STUM: variants seen among roughly 807,000 people sequenced by gnomAD.
STUM encodes stum, mechanosensory transduction mediator homolog.
In STUM, 8 loss-of-function variants were observed where a neutral mutation model predicts 15.3. The observed-to-expected ratio is 0.52, with a 90% confidence interval of 0.31 to 0.94. STUM has a LOEUF of 0.94. STUM is among the 40% of genes least tolerant of loss of function. STUM has a pLI of 0.05. For synonymous variants in STUM, 78 were observed against 88.7 expected, an observed-to-expected ratio of 0.88 and a Z score of 0.68; for missense variants, 142 against 204.9, an observed-to-expected ratio of 0.69 and a Z score of 1.87.
intron 1 of STUM, among the ~76,000 whole-genome samples, chr1:226,554,693 A>G (rs976269039): frequency 6.6e-6 from 1 of 152,192 alleles, no homozygotes; most frequent in Non-Finnish European, 1.5e-5. Flanking sequence ...TCTTTCTGGC[A>G]TCATCAATTT....
rs1668401776 is a variant in STUM at position 226,608,772 on chromosome 1, C to T, written c.*6732C>T. The T allele has an allele frequency of 6.6e-6, 1 of 152,154 alleles. No homozygotes were observed. The highest frequency in any genetic ancestry group is 1.5e-5 in the Non-Finnish European group (1 of 68,048). The allele number at this position is 152,154 out of a possible 1,614,324, so 9.4% of individuals were successfully genotyped here. ...ACGTCTAATGTCGGGGACGTAGGGA[C>T]GCTTCCAGACTTGCCCTGGCCGGAA... On this transcript the variant is annotated 3_prime_UTR_variant, in exon 4 of 4. Transcript: ENST00000366788. The surrounding 1 kb of genome is among the most constrained non-coding windows in gnomAD (Gnocchi z 4.0).
chr1:226,568,531 A>G (rs1314076768), intron 1 of STUM, among the ~76,000 whole-genome samples: 1 of 152,234 alleles, frequency 6.6e-6, no homozygotes, highest in Non-Finnish European at 1.5e-5. Flanking sequence ...CCTTCAACAC[A>G]CATTTAATTT....
chr1:226,551,843 G>T (rs1247448302), intron 1 of STUM, among the ~76,000 whole-genome samples: 2 of 152,180 alleles, frequency 1.3e-5, no homozygotes, highest in African/African-American at 4.8e-5. Flanking sequence ...GGGGGCGAAG[G>T]AAGGGGGCTC....
At chr1:226,582,142 C>A (rs1448110746) in intron 1 of STUM, among the ~76,000 whole-genome samples, 1 of 152,222 alleles carries the variant, frequency 6.6e-6, no homozygotes, top group Non-Finnish European at 1.5e-5. Context: ...GATACGGAGG[C>A]AGACGCTGCT....
Position 226,567,311 on chromosome 1 carries a change from C to T in STUM, c.202+18205C>T, listed in dbSNP as rs976026173. 5.3e-5 allele frequency among the ~76,000 whole-genome samples: 8 copies of T among 152,288 alleles called. No individual in the cohort carries two copies. The East Asian group carries it at 9.6e-4, about 18-fold the overall frequency. On this transcript the variant is annotated intron_variant, in intron 1 of 3. Coordinates refer to ENST00000366788, the MANE Select transcript of STUM (RefSeq NM_001003665.4). This position sits in a 1 kb window ranked among gnomAD's most constrained non-coding sequence, Gnocchi z 4.5. ...GCGGGCTCTTTTCTCAAACCAGATT[C>T]GTTCAAAAAGCCCATTTACCACACT...
chr1:226,560,249 C>G lies in STUM; in HGVS notation c.202+11143C>G, dbSNP rs1255280896. Among the ~76,000 whole-genome samples, 3 of 152,208 alleles carry G rather than the reference C, an allele frequency of 2.0e-5. No homozygotes were observed. In the South Asian group the frequency reaches 6.2e-4, roughly 31 times the overall value. On this transcript the variant is annotated intron_variant, in intron 1 of 3. Transcript: ENST00000366788. ...TCAGCCCTGGCTTCCAACCTCACTA[C>G]TTGACCACTGTTCTTCCAGAACCTT...
rs944828770 is a variant in STUM, at chr1:226,600,882, C to T, written c.391+208C>T. Among the ~76,000 whole-genome samples the T allele has an allele frequency of 3.3e-5, 5 of 152,176 alleles. No individual in the cohort carries two copies. Among genetic ancestry groups the T allele is most frequent in the Admixed American group, 1.3e-4 (2 of 15,278 alleles). On this transcript the variant is annotated intron_variant, in intron 3 of 3. Transcript: ENST00000366788. The surrounding 1 kb of genome is among the most constrained non-coding windows in gnomAD (Gnocchi z 5.2). ...TAAAATGAGGCCCTAATGCCCACACCAGCCTCAACTGCTATCAATTCATGG... is the reference window on the plus strand; with the variant it reads ...TAAAATGAGGCCCTAATGCCCACACTAGCCTCAACTGCTATCAATTCATGG...
At chr1:226,550,205 G>A (rs143968806) in intron 1 of STUM, among the ~76,000 whole-genome samples, 1 of 152,160 alleles carries the variant, frequency 6.6e-6, no homozygotes, top group Non-Finnish European at 1.5e-5. Flanking sequence ...CCTTTCTCAC[G>A]GTCTCCTCGC....
intron 1 of STUM, among the ~76,000 whole-genome samples, chr1:226,556,951 T>A (rs1032622905): frequency 6.6e-6 from 1 of 152,234 alleles, no homozygotes; most frequent in African/African-American, 2.4e-5. Context: ...AATGTATCCA[T>A]CATCTCAAAT....
rs565992381 is a variant in STUM, at chr1:226,593,817, C to G, written c.203-2985C>G. ...CACACTTTAGTGAGCCTTATCATTC[C>G]TATTCCTTGGAGGGCAGCGGGGAAG... On this transcript the variant is annotated intron_variant, in intron 1 of 3. Coordinates refer to ENST00000366788, the MANE Select transcript of STUM (RefSeq NM_001003665.4). Among the ~76,000 whole-genome samples, 7 of 152,312 alleles carry G rather than the reference C, an allele frequency of 4.6e-5. No homozygotes were observed. In the East Asian group the frequency reaches 1.4e-3, roughly 29 times the overall value.
At chr1:226,580,040 G>A (rs149291135) in intron 1 of STUM, among the ~76,000 whole-genome samples, 5 of 152,304 alleles carry the variant, frequency 3.3e-5, no homozygotes, top group Admixed American at 6.5e-5. Context: ...GTAAGGAGGC[G>A]GCAGTCCAGG....
At chr1:226,556,835 C>T (rs1469060837) in intron 1 of STUM, among the ~76,000 whole-genome samples, 2 of 152,166 alleles carry the variant, frequency 1.3e-5, no homozygotes, top group African/African-American at 2.4e-5. Context: ...ATCCCCTTTG[C>T]ACTTTTAAAT....
rs536945965 is a variant in STUM, at chr1:226,602,260, G to A, written c.*220G>A. On this transcript the variant is annotated 3_prime_UTR_variant, in exon 4 of 4. Coordinates refer to ENST00000366788, the MANE Select transcript of STUM (RefSeq NM_001003665.4). ...TCCTGCTCTGGAAAGCACTGTGGGC[G>A]CAGGCACCAGAGCATCAGAGAGTGG... 1.1e-4 allele frequency: 62 copies of A among 562,628 alleles called. No individual in the cohort carries two copies. The highest frequency in any genetic ancestry group is 7.2e-4 in the South Asian group (33 of 46,148). The allele number at this position is 562,628 out of a possible 1,614,324, so 34.9% of individuals were successfully genotyped here. A position where few individuals can be genotyped will look rare whatever the true frequency, so the allele number is the denominator to read the frequency against.
At chr1:226,591,763 C>T (rs1235670959) in intron 1 of STUM, among the ~76,000 whole-genome samples, 1 of 152,196 alleles carries the variant, frequency 6.6e-6, no homozygotes, top group East Asian at 1.9e-4. Flanking sequence ...GTCAGCTACT[C>T]TTGACCTGCA....
At position 226,565,189 on chromosome 1, in the gene STUM, A is replaced by C. The variant is rs537573894; in HGVS notation, c.202+16083A>C. The stretch of plus-strand genomic sequence containing the variant: ...TTCTACAGCCCCCTTCTACTACCCC[A>C]GCCCTCTCCGCCCAACAACAGCCTT... On this transcript the variant is annotated intron_variant, in intron 1 of 3. Coordinates refer to ENST00000366788, the MANE Select transcript of STUM (RefSeq NM_001003665.4). The surrounding 1 kb of genome is among the most constrained non-coding windows in gnomAD (Gnocchi z 4.4). Among the ~76,000 whole-genome samples the C allele has an allele frequency of 6.6e-6, 1 of 152,168 alleles. No individual in the cohort carries two copies. Among genetic ancestry groups the C allele is most frequent in the South Asian group, 2.1e-4 (1 of 4,804 alleles).
At position 226,560,009 on chromosome 1, in the gene STUM, G is replaced by A. The variant is rs184452795; in HGVS notation, c.202+10903G>A. 2.6e-5 allele frequency among the ~76,000 whole-genome samples: 4 copies of A among 152,202 alleles called. No homozygotes were observed. In the East Asian group the frequency reaches 7.8e-4, roughly 29 times the overall value. ...AAAAAATTAGCCAGGTATGATGGCG[G>A]GCGCCTGTAATCCCAGCTACTTGGG... On this transcript the variant is annotated intron_variant, in intron 1 of 3. Coordinates refer to ENST00000366788, the MANE Select transcript of STUM (RefSeq NM_001003665.4).
chr1:226,560,356 G>A (rs960053602), intron 1 of STUM, among the ~76,000 whole-genome samples: 1 of 152,172 alleles, frequency 6.6e-6, no homozygotes, highest in Non-Finnish European at 1.5e-5. Context: ...TGCCGTTGCT[G>A]TCTCCAAGTT....
chr1:226,596,503 G>A (rs1409218046), intron 1 of STUM, among the ~76,000 whole-genome samples: 1 of 152,202 alleles, frequency 6.6e-6, no homozygotes, highest in Admixed American at 6.5e-5. Flanking sequence ...CTCCTTCCCA[G>A]AAGGGACTGC....
At chr1:226,558,898 C>T (rs978728379) in intron 1 of STUM, among the ~76,000 whole-genome samples, 1 of 152,168 alleles carries the variant, frequency 6.6e-6, no homozygotes, top group Non-Finnish European at 1.5e-5. Flanking sequence ...GTGTCTTCGG[C>T]ATGGGAACTT....
Sources: allele counts gnomAD v4.1 joint callset (sites outside exome capture counted in the v4.1 genomes callset), GRCh38; gene constraint gnomAD v4.1.1; non-coding constraint Gnocchi (gnomAD v3.1); transcripts MANE v1.5; gene names NCBI Gene and HGNC (gene_info 2026-07-23, HGNC 2026-07-21).